The following POC1B variants were observed in gnomAD, a reference collection of about 807,000 sequenced individuals.
POC1B encodes the protein POC1 centriolar protein homolog B.
Under a neutral mutation model 60.6 loss-of-function variants are expected in POC1B, and 44 were observed. The ratio of observed to expected loss-of-function variants is 0.73; its 90% confidence interval spans 0.57 to 0.93. The LOEUF is 0.93. POC1B is among the 40% of genes least tolerant of loss of function. POC1B has a pLI of 0.00. For missense variants in POC1B, 555 were observed against 572.3 expected (o/e 0.97, Z 0.31); for synonymous variants, 180 against 198.9 (o/e 0.90, Z 0.80).
At chr12:89,516,991 T>C (rs1014570661) in intron 2 of POC1B, among the ~76,000 whole-genome samples, 1 of 152,154 alleles carries the variant, frequency 6.6e-6, no homozygotes, top group East Asian at 1.9e-4. Flanking sequence ...CAAAGACTTT[T>C]TCCTCCCAAA....
At position 89,507,292 on chromosome 12, in the gene POC1B, A is replaced by AC. The variant is rs397740392; in HGVS notation, c.101-9951dup. Among the ~76,000 whole-genome samples the AC allele has an allele frequency of 4.1e-4, 60 of 147,240 alleles. 2 individuals are homozygous for AC. The highest frequency in any genetic ancestry group is 1.4e-3 in the African/African-American group (58 of 40,390). ...AAAAAAAAAAAAAAAAAAAAAAAAA[A>AC]CTATGAAAACCAACATTGAATTTCC... On this transcript the variant is annotated intron_variant, in intron 2 of 11. Transcript: ENST00000313546.
At chr12:89,446,396 A>C (rs1407528761) in intron 10 of POC1B, among the ~76,000 whole-genome samples, 1 of 152,236 alleles carries the variant, frequency 6.6e-6, no homozygotes. Flanking sequence ...AATGTGGCAC[A>C]TATACACTAT....
In POC1B at chr12:89,525,115, C is replaced by T; in HGVS notation, c.100+5G>A. ...TTACAAAAGCAAAACAAGAATAAGA[C>T]TTACCAAGTTGCTTGCCGTTGGGGC... is the stretch of plus-strand genomic sequence containing the variant. On this transcript the variant is annotated splice_donor_5th_base_variant and intron_variant, in intron 2 of 11. Transcript: ENST00000313546. 6.2e-7 allele frequency: 1 copy of T among 1,614,052 alleles called. No individual in the cohort carries two copies. The highest frequency in any genetic ancestry group is 8.5e-7 in the Non-Finnish European group (1 of 1,179,912).
rs77025456 is a variant in POC1B, at chr12:89,490,838, C to T, written c.452+1098G>A. ...CTGCGTCAAATCTGATGTGACAGCTCGTACTGCCAGTTGTAACTTCCAACT... is the reference window on the plus strand; with the variant it reads ...CTGCGTCAAATCTGATGTGACAGCTTGTACTGCCAGTTGTAACTTCCAACT... On this transcript the variant is annotated intron_variant, in intron 4 of 11. Transcript: ENST00000313546. 4.3e-3 allele frequency among the ~76,000 whole-genome samples: 648 copies of T among 152,268 alleles called. 8 individuals carry two copies. The highest frequency in any genetic ancestry group is 0.015 in the African/African-American group (607 of 41,546).
intron 2 of POC1B, chr12:89,502,453 A>C: frequency 1.6e-6 from 2 of 1,216,310 alleles, no homozygotes; most frequent in Admixed American, 3.8e-5. Context: ...GTCTAAAAGG[A>C]AGGCAAGAGA....
intron 10 of POC1B, 107 bp from the exon 11 acceptor site, chr12:89,425,486 A>G: frequency 6.8e-6 from 5 of 735,818 alleles, no homozygotes; most frequent in South Asian, 2.3e-5. Flanking sequence ...GCTTACATTG[A>G]AGATTTATCC....
At chr12:89,429,626 G>A (rs969445590) in intron 10 of POC1B, among the ~76,000 whole-genome samples, 3 of 152,110 alleles carry the variant, frequency 2.0e-5, no homozygotes, top group East Asian at 3.8e-4. Flanking sequence ...ATAAATGTAC[G>A]TATGGTATGA....
At chr12:89,508,391 T>C (rs867215410) in intron 2 of POC1B, among the ~76,000 whole-genome samples, 13 of 152,228 alleles carry the variant, frequency 8.5e-5, no homozygotes, top group African/African-American at 2.9e-4. Flanking sequence ...TCTTGAAGAC[T>C]ATAGGCTTGT....
Position 89,492,010 on chromosome 12 carries a change from T to C in POC1B, c.378A>G (p.Ile126Met), listed in dbSNP as rs771341403. The change falls in exon 4 of 12, where the codon ATA becomes ATG. Residue 126 changes from isoleucine (I) to methionine (M), a missense_variant. Physicochemically the swap from Ile to Met is conservative, Grantham distance 10. Coordinates refer to ENST00000313546, the MANE Select transcript of POC1B (RefSeq NM_172240.3). Reference sequence around the variant, plus strand: ...GCTGGCGATACATGCTCCATACTTTTATGGATTTGTCTTCAGAAGCTGTAG... The same window carrying C: ...GCTGGCGATACATGCTCCATACTTTCATGGATTTGTCTTCAGAAGCTGTAG... ...FLATASEDKS[I>M]KVWSMYRQRF... The C allele has an allele frequency of 6.2e-7, 1 of 1,609,156 alleles. No homozygotes were observed. The highest frequency in any genetic ancestry group is 8.5e-7 in the Non-Finnish European group (1 of 1,178,390).
At chr12:89,512,571 C>A (rs1286730736) in intron 2 of POC1B, among the ~76,000 whole-genome samples, 1 of 152,100 alleles carries the variant, frequency 6.6e-6, no homozygotes, top group Non-Finnish European at 1.5e-5. Context: ...CCAGCCTCAG[C>A]AATATAGCGA....
intron 2 of POC1B, among the ~76,000 whole-genome samples, chr12:89,510,847 T>G (rs1328115626): frequency 5.4e-5 from 8 of 148,398 alleles, no homozygotes; most frequent in African/African-American, 2.0e-4. Context: ...GGCCTCTGCC[T>G]CCTGGGTTCA....
chr12:89,423,495 T>C (rs931018370), intron 11 of POC1B, among the ~76,000 whole-genome samples: 2 of 152,154 alleles, frequency 1.3e-5, no homozygotes, highest in African/African-American at 4.8e-5. Context: ...TTTATACATT[T>C]ATTATTAACA....
intron 10 of POC1B, among the ~76,000 whole-genome samples, chr12:89,444,450 C>T (rs897352516): frequency 4.6e-5 from 7 of 152,192 alleles, no homozygotes; most frequent in Non-Finnish European, 2.9e-5. Context: ...ACTGGTTCAA[C>T]ATATGCAAAT....
At chr12:89,421,356 C>G in intron 11 of POC1B, 99 bp from the exon 12 acceptor site, 1 of 978,632 alleles carries the variant, frequency 1.0e-6, no homozygotes, top group South Asian at 1.9e-5. Flanking sequence ...AACTGGGATG[C>G]CCACCCTTCT....
At position 89,420,489 on chromosome 12, in the gene POC1B, T is replaced by C. The variant is rs945809890; in HGVS notation, c.*664A>G. 2.0e-5 allele frequency: 3 copies of C among 152,196 alleles called. No individual in the cohort carries two copies. The highest frequency in any genetic ancestry group is 7.2e-5 in the African/African-American group (3 of 41,452). The allele number at this position is 152,196 out of a possible 1,614,324, so 9.4% of individuals were successfully genotyped here. On this transcript the variant is annotated 3_prime_UTR_variant, in exon 12 of 12. Coordinates refer to ENST00000313546, the MANE Select transcript of POC1B (RefSeq NM_172240.3). ...GTGATAGAAAGATAGGTGAGTTTCATTTCCTTCAGGTTGGCCAATGGATAA... is the reference window on the plus strand; with the variant it reads ...GTGATAGAAAGATAGGTGAGTTTCACTTCCTTCAGGTTGGCCAATGGATAA...
chr12:89,423,114 C>T (rs1224253205), intron 11 of POC1B, among the ~76,000 whole-genome samples: 1 of 151,120 alleles, frequency 6.6e-6, no homozygotes, highest in African/African-American at 2.5e-5. Flanking sequence ...AAGTGATCTT[C>T]CCACCTCGGT....
chr12:89,415,709 G>A (rs548357329), downstream of POC1B, among the ~76,000 whole-genome samples: 1 of 151,766 alleles, frequency 6.6e-6, no homozygotes, highest in South Asian at 2.1e-4. Context: ...CACTTACTCC[G>A]TGACAGCTAC....
At chr12:89,524,201 C>T in intron 2 of POC1B, 2 of 1,614,002 alleles carry the variant, frequency 1.2e-6, no homozygotes, top group Admixed American at 1.7e-5. Context: ...CTTTTATCCT[C>T]TATGTGTCGA....
intron 2 of POC1B, among the ~76,000 whole-genome samples, chr12:89,518,574 CCAA>C (rs34208019): frequency 0.51 from 76,877 of 151,538 alleles, 19,846 homozygotes; most frequent in African/African-American, 0.6. Context: ...AGTGTTTTGC[CCAA>C]CATTTGCACA....
Sources: allele counts gnomAD v4.1 joint callset (sites outside exome capture counted in the v4.1 genomes callset), GRCh38; gene constraint gnomAD v4.1.1; transcripts MANE v1.5; gene names NCBI Gene and HGNC (gene_info 2026-07-23, HGNC 2026-07-21).